RNF144A: variants seen among roughly 807,000 people sequenced by gnomAD.
RNF144A encodes the protein E3 ubiquitin-protein ligase RNF144A.
Under a neutral mutation model 38.7 loss-of-function variants are expected in RNF144A, and 11 were observed. The ratio of observed to expected loss-of-function variants is 0.28; its 90% CI spans 0.18 to 0.47. The LOEUF is 0.47. Ranked by LOEUF, RNF144A falls within the 20% of genes least tolerant of loss-of-function variation. The pLI, the probability that RNF144A is intolerant of heterozygous loss-of-function variation, is 0.99. For synonymous variants in RNF144A, 149 were observed against 143.9 expected (o/e 1.04, Z -0.25); for missense variants, 316 against 377.2 (o/e 0.84, Z 1.34).
downstream of RNF144A, among the ~76,000 whole-genome samples, chr2:7,069,802 C>A (rs1162297370): frequency 6.6e-6 from 1 of 152,176 alleles, no homozygotes; most frequent in Non-Finnish European, 1.5e-5. Flanking sequence ...GTGGTAAAGA[C>A]ACAAGTTCTA....
At chr2:7,010,412 G>A (rs994933880) in intron 3 of RNF144A, among the ~76,000 whole-genome samples, 6 of 152,156 alleles carry the variant, frequency 3.9e-5, no homozygotes, top group African/African-American at 1.2e-4. Flanking sequence ...TTAATAAATC[G>A]TGGATCCCAG....
At chr2:7,069,201 T>C (rs1452243953), downstream of RNF144A, among the ~76,000 whole-genome samples, 1 of 152,210 alleles carries the variant, frequency 6.6e-6, no homozygotes, top group African/African-American at 2.4e-5. Context: ...GTAGAGGCTC[T>C]GGCCACCCTC....
Position 7,042,327 on chromosome 2 carries a change from G to A in RNF144A, c.*2567G>A. The A allele has an allele frequency of 1.0e-6, 1 of 985,448 alleles. No homozygotes were observed. Among genetic ancestry groups the A allele is most frequent in the South Asian group, 4.7e-5 (1 of 21,292 alleles). The allele number at this position is 985,448 out of a possible 1,614,324, so 61.0% of individuals were successfully genotyped here. A position where few individuals can be genotyped will look rare whatever the true frequency, so the allele number is the denominator to read the frequency against. The stretch of plus-strand genomic sequence containing the variant: ...ATCATTCCCCAGTAAAACCTGGGGA[G>A]TTCTGCGTTGAGTGGACGGACTTAT... On this transcript the variant is annotated 3_prime_UTR_variant, in exon 9 of 9. Coordinates refer to ENST00000320892, the MANE Select transcript of RNF144A (RefSeq NM_014746.6).
Position 6,980,204 on chromosome 2 carries a change from G to A in RNF144A, c.-11-16712G>A, listed in dbSNP as rs1000526469. Among the ~76,000 whole-genome samples the A allele has an allele frequency of 2.0e-4, 31 of 152,080 alleles. 1 individual carries two copies. Among genetic ancestry groups the A allele is most frequent in the African/African-American group, 5.6e-4 (23 of 41,394 alleles). On this transcript the variant is annotated intron_variant, in intron 2 of 8. Coordinates refer to ENST00000320892, the MANE Select transcript of RNF144A (RefSeq NM_014746.6). The stretch of plus-strand genomic sequence containing the variant: ...CTAACCCATGTAATTCCACCCCAGC[G>A]TCTCCCAGATATCGTGTCCTTTCCA...
Position 7,040,269 on chromosome 2 carries a change from G to A in RNF144A, c.*509G>A, listed in dbSNP as rs1672966562. ...TAGAAGGTATTTTTTTTCCAACTGA[G>A]TAGTGAAAATCAACAAGGTGCATAT... On this transcript the variant is annotated 3_prime_UTR_variant, in exon 9 of 9. Transcript: ENST00000320892. 1 of 985,456 alleles carries A rather than the reference G, an allele frequency of 1.0e-6. No individual in the cohort carries two copies. Among genetic ancestry groups the A allele is most frequent in the South Asian group, 4.7e-5 (1 of 21,294 alleles). 61.0% of individuals were successfully genotyped at this position (985,456 alleles called of 1,614,324 possible).
intron 1 of RNF144A, among the ~76,000 whole-genome samples, chr2:6,938,713 C>T (rs1284332480): frequency 6.6e-6 from 1 of 152,182 alleles, no homozygotes; most frequent in Non-Finnish European, 1.5e-5. Flanking sequence ...AAAATCTCTG[C>T]ATCCCTTAGC....
downstream of RNF144A, among the ~76,000 whole-genome samples, chr2:7,071,862 G>A (rs543134468): frequency 1.3e-4 from 20 of 152,322 alleles, no homozygotes; most frequent in Middle Eastern, 3.4e-3. Flanking sequence ...TTCTGGGTAG[G>A]CTTGGTCCAC....
chr2:7,026,282 C>T (rs418312), intron 7 of RNF144A, among the ~76,000 whole-genome samples: 44,702 of 151,972 alleles, frequency 0.29, 7,509 homozygotes, highest in Middle Eastern at 0.39. Context: ...AATAGTAGAA[C>T]GTGATGCAGC....
At chr2:6,981,897 C>T (rs1432114771) in intron 2 of RNF144A, among the ~76,000 whole-genome samples, 1 of 152,218 alleles carries the variant, frequency 6.6e-6, no homozygotes, top group African/African-American at 2.4e-5. Flanking sequence ...TTAATTGATT[C>T]ACAGTTCCCC....
Position 6,943,383 on chromosome 2 carries a change from G to T in RNF144A, c.-12+2236G>T, listed in dbSNP as rs1232102096. Among the ~76,000 whole-genome samples, 2 of 152,192 alleles carry T rather than the reference G, an allele frequency of 1.3e-5. No homozygotes were observed. The highest frequency in any genetic ancestry group is 3.9e-4 in the East Asian group (2 of 5,186). ...CCAGTGGCTGTGGCCACACAAGCTG[G>T]ATTGGAGAGAAGAATGCAGGGGAGG... On this transcript the variant is annotated intron_variant, in intron 2 of 8. Coordinates refer to ENST00000320892, the MANE Select transcript of RNF144A (RefSeq NM_014746.6). The surrounding 1 kb of genome is among the most constrained non-coding windows in gnomAD (Gnocchi z 4.3).
At chr2:6,983,034 C>T (rs1254709231) in intron 2 of RNF144A, among the ~76,000 whole-genome samples, 2 of 152,170 alleles carry the variant, frequency 1.3e-5, no homozygotes, top group African/African-American at 4.8e-5. Context: ...GGCTTTTGTC[C>T]TAGAGGTGCT....
intron 5 of RNF144A, among the ~76,000 whole-genome samples, chr2:7,017,681 C>G (rs530085734): frequency 6.6e-6 from 1 of 152,308 alleles, no homozygotes; most frequent in East Asian, 1.9e-4. Context: ...TTAGTTTCCT[C>G]TAGTGTGCCA....
Position 7,041,507 on chromosome 2 carries a change from C to T in RNF144A, c.*1747C>T. 1 of 986,036 alleles carries T rather than the reference C, an allele frequency of 1.0e-6. No homozygotes were observed. The highest frequency in any genetic ancestry group is 1.2e-6 in the Non-Finnish European group (1 of 829,940). 61.1% of individuals were successfully genotyped at this position (986,036 alleles called of 1,614,324 possible). On this transcript the variant is annotated 3_prime_UTR_variant, in exon 9 of 9. Transcript: ENST00000320892. ...TCAGTAAGAACATGCCTGCGACTCCCTTTCTGGATGGAACCTGGGCTGTGG... is the reference window on the plus strand; with the variant it reads ...TCAGTAAGAACATGCCTGCGACTCCTTTTCTGGATGGAACCTGGGCTGTGG...
In RNF144A at chr2:7,020,630, C is replaced by G; in HGVS notation, c.459C>G (p.Gly153=). 2 of 1,608,442 alleles carry G rather than the reference C, an allele frequency of 1.2e-6. No individual in the cohort carries two copies. The highest frequency in any genetic ancestry group is 1.7e-6 in the Non-Finnish European group (2 of 1,180,002). The change falls in exon 6 of 9, where the codon GGC becomes GGG. Residue 153 remains glycine (G), a synonymous_variant. Transcript: ENST00000320892. Reference sequence around the variant, plus strand: ...CCTGCAAAGCCAGCTGGCACCCTGGCCAGGGCTGCCCGGAGACCATGCCGA... The same window carrying G: ...CCTGCAAAGCCAGCTGGCACCCTGGGCAGGGCTGCCCGGAGACCATGCCGA... ...CSTCKASWHP[G]QGCPETMPIT...
chr2:7,074,560 C>T, the RNF144A span: 1 of 152,126 alleles, frequency 6.6e-6, no homozygotes, highest in African/African-American at 2.4e-5. Context: ...TTCCTGGGCC[C>T]TTAAAAGATC....
chr2:6,941,244 T>C lies in RNF144A; in HGVS notation c.-12+97T>C, dbSNP rs2103297470. 1 of 152,382 alleles carries C rather than the reference T, an allele frequency of 6.6e-6. No homozygotes were observed. The allele number at this position is 152,382 out of a possible 1,614,324, so 9.4% of individuals were successfully genotyped here. ...TGTTGGAAAAGATAGTAGGCCTGCC[T>C]GGGTGGATTTTTCTATACCTGTTAA... On this transcript the variant is annotated intron_variant, in intron 2 of 8. Coordinates refer to ENST00000320892, the MANE Select transcript of RNF144A (RefSeq NM_014746.6). This position sits in a 1 kb window ranked among gnomAD's most constrained non-coding sequence, Gnocchi z 6.5.
chr2:7,035,504 C>CT (rs1672614060), intron 8 of RNF144A, among the ~76,000 whole-genome samples: 1 of 152,230 alleles, frequency 6.6e-6, no homozygotes, highest in Non-Finnish European at 1.5e-5. Context: ...GGGCCACCCT[C>CT]TGTCACTGAC....
At chr2:7,071,981 G>C (rs1334749908), downstream of RNF144A, among the ~76,000 whole-genome samples, 1 of 152,202 alleles carries the variant, frequency 6.6e-6, no homozygotes, top group Non-Finnish European at 1.5e-5. Flanking sequence ...CCCACCCTAA[G>C]GATTTTGGAT....
intron 2 of RNF144A, among the ~76,000 whole-genome samples, chr2:6,957,042 G>A (rs1667051187): frequency 6.6e-6 from 1 of 152,076 alleles, no homozygotes; most frequent in Admixed American, 6.5e-5. Context: ...TTACTCTTAG[G>A]CCCCCAGCAC....
Sources: allele counts gnomAD v4.1 joint callset (sites outside exome capture counted in the v4.1 genomes callset), GRCh38; gene constraint gnomAD v4.1.1; non-coding constraint Gnocchi (gnomAD v3.1); transcripts MANE v1.5; gene names NCBI Gene and HGNC (gene_info 2026-07-23, HGNC 2026-07-21).